The following SH2B3 variants were observed in gnomAD, a reference collection of about 807,000 sequenced individuals.
The protein encoded by SH2B3 is SH2B adapter protein 3.
In SH2B3, 43 loss-of-function variants were observed where a neutral mutation model predicts 51.9. The ratio of observed to expected loss-of-function variants is 0.83; its 90% CI spans 0.65 to 1.07. The LOEUF is 1.07. Ranked by LOEUF, SH2B3 falls within the 50% of genes least tolerant of loss-of-function variation. SH2B3 has a pLI of 0.00. For synonymous variants in SH2B3, 396 were observed against 376.0 expected, an observed-to-expected ratio of 1.05 and a Z score of -0.62; for missense variants, 952 against 834.3, an observed-to-expected ratio of 1.14 and a Z score of -1.74.
At position 111,405,961 on chromosome 12, in the gene SH2B3, C is replaced by T. The variant is rs1267473216; in HGVS notation, c.-344C>T. 6.6e-6 allele frequency: 1 copy of T among 151,636 alleles called. No individual in the cohort carries two copies. The highest frequency in any genetic ancestry group is 1.5e-5 in the Non-Finnish European group (1 of 67,868). 9.4% of individuals were successfully genotyped at this position (151,636 alleles called of 1,614,324 possible). A position where few individuals can be genotyped will look rare whatever the true frequency, so the allele number is the denominator to read the frequency against. On this transcript the variant is annotated 5_prime_UTR_variant, in exon 1 of 8. Coordinates refer to ENST00000341259, the MANE Select transcript of SH2B3 (RefSeq NM_005475.3). The surrounding 1 kb of genome is among the most constrained non-coding windows in gnomAD (Gnocchi z 5.4). Reference sequence around the variant, plus strand: ...GGGCGGCATGGGCCCGGGCCACCGCCTCCGCCCGGCTGCCCGCCCGGACTG... The same window carrying T: ...GGGCGGCATGGGCCCGGGCCACCGCTTCCGCCCGGCTGCCCGCCCGGACTG...
chr12:111,418,873 C>CCAAGGG lies in SH2B3; in HGVS notation c.732+1_732+2insGCAAGG. 7.1e-7 allele frequency: 1 copy of CCAAGGG among 1,406,798 alleles called. No homozygotes were observed. The highest frequency in any genetic ancestry group is 9.1e-7 in the Non-Finnish European group (1 of 1,093,942). 87.1% of individuals were successfully genotyped at this position (1,406,798 alleles called of 1,614,324 possible). ...CGCGTGCTGGAGCTCTTCGACCCAC[C>CCAAGGG]CAAGGTAAGTAAGCCCTGCCCGCGG... On this transcript the variant is annotated inframe_insertion, in exon 2 of 8. Coordinates refer to ENST00000341259, the MANE Select transcript of SH2B3 (RefSeq NM_005475.3). The surrounding 1 kb of genome is among the most constrained non-coding windows in gnomAD (Gnocchi z 6.7).
At chr12:111,424,907 G>A (rs559999581) in intron 2 of SH2B3, among the ~76,000 whole-genome samples, 1 of 152,356 alleles carries the variant, frequency 6.6e-6, no homozygotes, top group South Asian at 2.1e-4. Flanking sequence ...TTAAGCTTTG[G>A]ATCTGCACTT....
intron 2 of SH2B3, among the ~76,000 whole-genome samples, chr12:111,420,478 C>CT (rs1871452817): frequency 1.3e-5 from 2 of 151,754 alleles, no homozygotes; most frequent in African/African-American, 2.4e-5. Flanking sequence ...CAGGCTCCAT[C>CT]TTTGACTCAG....
chr12:111,434,827 A>G, intron 2 of SH2B3: 3 of 1,522,256 alleles, frequency 2.0e-6, no homozygotes, highest in East Asian at 2.5e-5. Flanking sequence ...AAGGCCTGTG[A>G]CATGGTAAAC....
chr12:111,443,265 A>T (rs1410870326), intron 2 of SH2B3, among the ~76,000 whole-genome samples: 2 of 152,140 alleles, frequency 1.3e-5, no homozygotes, highest in Admixed American at 6.5e-5. Flanking sequence ...TTTCATCTTC[A>T]CTTCTCAGAT....
intron 2 of SH2B3, among the ~76,000 whole-genome samples, chr12:111,433,597 C>A (rs1181069049): frequency 6.6e-6 from 1 of 152,066 alleles, no homozygotes; most frequent in Middle Eastern, 3.4e-3. Flanking sequence ...GTTCTGTCAC[C>A]CAGCCTGGAG....
At chr12:111,428,378 G>A (rs1267507635) in intron 2 of SH2B3, among the ~76,000 whole-genome samples, 3 of 152,212 alleles carry the variant, frequency 2.0e-5, no homozygotes, top group Non-Finnish European at 2.9e-5. Flanking sequence ...GAGTGGCTGC[G>A]ACTCGGGGGT....
chr12:111,447,599 A>T, intron 6 of SH2B3, 55 bp downstream of exon 6: 1 of 1,610,216 alleles, frequency 6.2e-7, no homozygotes, highest in Non-Finnish European at 8.5e-7. Flanking sequence ...ACCCCTCTCC[A>T]CTGGAGTTCA....
intron 2 of SH2B3, among the ~76,000 whole-genome samples, chr12:111,421,166 A>G (rs2135553502): frequency 6.6e-6 from 1 of 152,202 alleles, no homozygotes; most frequent in South Asian, 2.1e-4. Context: ...ATTTTGAGAC[A>G]GGGTCTCACT....
intron 2 of SH2B3, among the ~76,000 whole-genome samples, chr12:111,433,244 A>G (rs1022278298): frequency 6.6e-6 from 1 of 152,130 alleles, no homozygotes; most frequent in African/African-American, 2.4e-5. Context: ...CCAGTTACTC[A>G]GGAGGCTGAG....
At position 111,451,004 on chromosome 12, in the gene SH2B3, T is replaced by C. The variant is rs144152836; in HGVS notation, c.*2702T>C. The stretch of plus-strand genomic sequence containing the variant: ...ACATCATGATCCCTCCAGTTAGCTC[T>C]AATTACAGACCCCACCAGTACAGCT... On this transcript the variant is annotated 3_prime_UTR_variant, in exon 8 of 8. Transcript: ENST00000341259. The C allele has an allele frequency of 9.6e-3, 1,463 of 152,826 alleles. 11 individuals carry two copies. The highest frequency in any genetic ancestry group is 0.016 in the Non-Finnish European group (1,076 of 68,052). The allele number at this position is 152,826 out of a possible 1,614,324, so 9.5% of individuals were successfully genotyped here.
At chr12:111,411,611 C>G (rs1199812951) in intron 1 of SH2B3, among the ~76,000 whole-genome samples, 1 of 152,148 alleles carries the variant, frequency 6.6e-6, no homozygotes, top group African/African-American at 2.4e-5. Context: ...CTTGGTGGCT[C>G]CAGGGTGCCT....
At chr12:111,417,335 T>C (rs1305671104) in intron 1 of SH2B3, among the ~76,000 whole-genome samples, 1 of 152,210 alleles carries the variant, frequency 6.6e-6, no homozygotes. Flanking sequence ...GGACTGTCAG[T>C]ACTGTGTTAA....
Position 111,406,510 on chromosome 12 carries a change from A to G in SH2B3, c.-28+233A>G, listed in dbSNP as rs1870260275. On this transcript the variant is annotated intron_variant, in intron 1 of 7. Transcript: ENST00000341259. The surrounding 1 kb of genome is among the most constrained non-coding windows in gnomAD (Gnocchi z 5.7). ...CACGTGTTAGGGAGAGCGTTGGGGT[A>G]ACTGAGGCCGTGGGATGGGGGAGAG... Among the ~76,000 whole-genome samples the G allele has an allele frequency of 6.6e-6, 1 of 152,052 alleles. No homozygotes were observed. Among genetic ancestry groups the G allele is most frequent in the African/African-American group, 2.4e-5 (1 of 41,422 alleles).
At chr12:111,424,316 G>A (rs1871808835) in intron 2 of SH2B3, among the ~76,000 whole-genome samples, 1 of 152,056 alleles carries the variant, frequency 6.6e-6, no homozygotes, top group African/African-American at 2.4e-5. Flanking sequence ...GTGTCTTGGT[G>A]GGGAGAGCGC....
rs1416221216 is a variant in SH2B3 at position 111,451,196 on chromosome 12, C to T, written c.*2894C>T. On this transcript the variant is annotated 3_prime_UTR_variant, in exon 8 of 8. Transcript: ENST00000341259. ...TCTTCTGCCTTTGATCATTTCTGGA[C>T]CGTAGGAAAAAGGAATAGCAATCAT... 1 of 152,564 alleles carries T rather than the reference C, an allele frequency of 6.6e-6. No individual in the cohort carries two copies. Among genetic ancestry groups the T allele is most frequent in the African/African-American group, 2.4e-5 (1 of 41,418 alleles). The allele number at this position is 152,564 out of a possible 1,614,324, so 9.5% of individuals were successfully genotyped here.
At position 111,447,969 on chromosome 12, in the gene SH2B3, G is replaced by T; in HGVS notation, c.1409-14G>T. On this transcript the variant is annotated splice_polypyrimidine_tract_variant and intron_variant, in intron 7 of 7. Coordinates refer to ENST00000341259, the MANE Select transcript of SH2B3 (RefSeq NM_005475.3). Reference sequence around the variant, plus strand: ...AAGACTGATGGTGTGGTCTCTCTTGGTCACTTGTCCTAGGTTCCTGCAACA... The same window carrying T: ...AAGACTGATGGTGTGGTCTCTCTTGTTCACTTGTCCTAGGTTCCTGCAACA... 2 of 1,593,580 alleles carry T rather than the reference G, an allele frequency of 1.3e-6. No homozygotes were observed. Among genetic ancestry groups the T allele is most frequent in the Middle Eastern group, 1.7e-4 (1 of 5,984 alleles).
rs1020565690 is a variant in SH2B3, at chr12:111,449,784, A to ACT, written c.*1484_*1485dup. On this transcript the variant is annotated 3_prime_UTR_variant, in exon 8 of 8. Transcript: ENST00000341259. ...GGCTAAAATGAAACCTCAGCCTAAA[A>ACT]CTCATAGGACTGACTGCCTGGGAGG... The ACT allele has an allele frequency of 6.6e-6, 1 of 152,056 alleles. No individual in the cohort carries two copies. The highest frequency in any genetic ancestry group is 2.4e-5 in the African/African-American group (1 of 41,414). The allele number at this position is 152,056 out of a possible 1,614,324, so 9.4% of individuals were successfully genotyped here.
rs557882907 is a variant in SH2B3 at position 111,449,289 on chromosome 12, G to A, written c.*987G>A. 1 of 152,400 alleles carries A rather than the reference G, an allele frequency of 6.6e-6. No individual in the cohort carries two copies. Among genetic ancestry groups the A allele is most frequent in the Non-Finnish European group, 1.5e-5 (1 of 68,034 alleles). 9.4% of individuals were successfully genotyped at this position (152,400 alleles called of 1,614,324 possible). ...AAGAAGGACTCCTAGGCCCTTTCTA[G>A]TAAATCCTTCAGCAACAAGGCTGGC... On this transcript the variant is annotated 3_prime_UTR_variant, in exon 8 of 8. Transcript: ENST00000341259.
Sources: allele counts gnomAD v4.1 joint callset (sites outside exome capture counted in the v4.1 genomes callset), GRCh38; gene constraint gnomAD v4.1.1; non-coding constraint Gnocchi (gnomAD v3.1); transcripts MANE v1.5; gene names NCBI Gene and HGNC (gene_info 2026-07-23, HGNC 2026-07-21).